RANBP2: variants seen among roughly 807,000 people sequenced by gnomAD.
RANBP2 encodes the protein E3 SUMO-protein ligase RanBP2.
Under a neutral mutation model 303.6 loss-of-function variants are expected in RANBP2, and 57 were observed. The observed-to-expected ratio is 0.19, with a 90% CI of 0.15 to 0.23. The LOEUF (loss-of-function observed/expected upper bound fraction) is 0.23, where lower values mean the gene tolerates loss of function less well. Among genes scored for constraint, RANBP2 ranks in the 10% least tolerant of loss-of-function variants. The probability of loss-of-function intolerance (pLI) is 1.00; values close to 1 mark genes in which losing one functional copy is unlikely to be tolerated. For missense variants in RANBP2, 3,138 were observed against 3,780.8 expected, an observed-to-expected ratio of 0.83 and a Z score of 4.46; for synonymous variants, 1,167 against 1,301.5, an observed-to-expected ratio of 0.90 and a Z score of 2.23.
the RANBP2 span, among the ~76,000 whole-genome samples, chr2:109,058,886 G>A: frequency 6.6e-6 from 1 of 152,146 alleles, no homozygotes; most frequent in African/African-American, 2.4e-5. Flanking sequence ...GATCTTGTGT[G>A]GGGTCCCTTT....
chr2:108,816,044 G>C, the RANBP2 span: 4 of 1,613,600 alleles, frequency 2.5e-6, no homozygotes, highest in Non-Finnish European at 3.4e-6. Flanking sequence ...GGAATGGATG[G>C]TAAAAAACCA....
chr2:109,515,759 G>A, the RANBP2 span, among the ~76,000 whole-genome samples: 1 of 152,188 alleles, frequency 6.6e-6, no homozygotes, highest in Non-Finnish European at 1.5e-5. Flanking sequence ...ATTTGCATCT[G>A]GTGAGGCCTC....
chr2:109,026,297 C>CTTTTTTTTTTTTTT, the RANBP2 span, among the ~76,000 whole-genome samples: 69 of 93,422 alleles, frequency 7.4e-4, 6 homozygotes, highest in East Asian at 8.8e-3. Flanking sequence ...CCATGCCTAG[C>CTTTTTTTTTTTTTT]TTTTTTTTTT....
At chr2:109,373,571 G>GT in the RANBP2 span, among the ~76,000 whole-genome samples, 2 of 151,350 alleles carry the variant, frequency 1.3e-5, no homozygotes, top group East Asian at 1.9e-4. Flanking sequence ...TGCCGTATGG[G>GT]TTTTTTTAGG....
chr2:109,101,776 G>A, the RANBP2 span, among the ~76,000 whole-genome samples: 1 of 152,198 alleles, frequency 6.6e-6, no homozygotes, highest in Non-Finnish European at 1.5e-5. Context: ...GGAGAGAGCC[G>A]AGCAGGGGGT....
the RANBP2 span, chr2:109,614,577 C>T: frequency 7.2e-7 from 1 of 1,396,526 alleles, no homozygotes. Context: ...GGGCCGGGCC[C>T]TGCACGCCGA....
At chr2:109,248,609 GTA>G in the RANBP2 span, among the ~76,000 whole-genome samples, 1 of 152,338 alleles carries the variant, frequency 6.6e-6, no homozygotes, top group Admixed American at 6.5e-5. Flanking sequence ...GACCAAACAT[GTA>G]TATTAAATAG....
chr2:109,612,287 G>T, the RANBP2 span, among the ~76,000 whole-genome samples: 2 of 151,738 alleles, frequency 1.3e-5, no homozygotes, highest in Non-Finnish European at 2.9e-5. Flanking sequence ...ATCACTGATT[G>T]TCTGGGGTTA....
chr2:109,496,855 C>T, the RANBP2 span, among the ~76,000 whole-genome samples: 1 of 152,194 alleles, frequency 6.6e-6, no homozygotes, highest in South Asian at 2.1e-4. Context: ...CCGGGATTAT[C>T]CAGGTGGGCC....
the RANBP2 span, among the ~76,000 whole-genome samples, chr2:109,423,176 G>A: frequency 1.3e-5 from 2 of 152,096 alleles, no homozygotes; most frequent in African/African-American, 4.8e-5. Context: ...CAGGAGCCCA[G>A]AGAAAGACTT....
chr2:108,824,298 G>A, the RANBP2 span, among the ~76,000 whole-genome samples: 1 of 151,760 alleles, frequency 6.6e-6, no homozygotes, highest in Non-Finnish European at 1.5e-5. Flanking sequence ...CATTGTACAG[G>A]TATACAAAAA....
the RANBP2 span, chr2:108,856,938 T>C: frequency 6.2e-7 from 1 of 1,609,484 alleles, no homozygotes; most frequent in Non-Finnish European, 8.5e-7. Flanking sequence ...TCTAATGTTA[T>C]TGATAGTTTG....
At chr2:108,811,247 C>CTCTTTTTTTTTTTTTTTTTTTTTTTT in the RANBP2 span, among the ~76,000 whole-genome samples, 39 of 113,888 alleles carry the variant, frequency 3.4e-4, 3 homozygotes, top group African/African-American at 1.1e-3. Flanking sequence ...TTCTCTCTCT[C>CTCTTTTTTTTTTTTTTTTTTTTTTTT]TTTTTTTTTT....
At chr2:109,278,302 G>A in the RANBP2 span, among the ~76,000 whole-genome samples, 1 of 152,218 alleles carries the variant, frequency 6.6e-6, no homozygotes, top group South Asian at 2.1e-4. Flanking sequence ...AGCCACCCTG[G>A]TGCACACATA....
chr2:109,637,410 C>CTAATCCA, the RANBP2 span, among the ~76,000 whole-genome samples: 1 of 152,162 alleles, frequency 6.6e-6, no homozygotes, highest in South Asian at 2.1e-4. Context: ...TCAGCACAGA[C>CTAATCCA]CCTTTACGGG....
chr2:109,129,616 A>T, the RANBP2 span: 1 of 1,482,038 alleles, frequency 6.7e-7, no homozygotes, highest in South Asian at 1.3e-5. Context: ...CGACGAGGAC[A>T]GGCCAGGCGA....
the RANBP2 span, among the ~76,000 whole-genome samples, chr2:108,926,777 G>T: frequency 6.6e-6 from 1 of 152,196 alleles, no homozygotes; most frequent in Non-Finnish European, 1.5e-5. Flanking sequence ...CTGCCAAACC[G>T]CAGGCAGGGG....
At chr2:109,321,973 C>T in the RANBP2 span, among the ~76,000 whole-genome samples, 3 of 152,202 alleles carry the variant, frequency 2.0e-5, no homozygotes, top group Non-Finnish European at 2.9e-5. Context: ...GATTGGTCCT[C>T]GTTATTCAGT....
At chr2:109,635,403 G>C in the RANBP2 span, among the ~76,000 whole-genome samples, 1 of 152,134 alleles carries the variant, frequency 6.6e-6, no homozygotes, top group South Asian at 2.1e-4. Context: ...GGCTGGCCTC[G>C]AACTCCTGAC....
Sources: allele counts gnomAD v4.1 joint callset (sites outside exome capture counted in the v4.1 genomes callset), GRCh38; gene constraint gnomAD v4.1.1; transcripts MANE v1.5; gene names NCBI Gene and HGNC (gene_info 2026-07-23, HGNC 2026-07-21).